The following SH3PXD2A variants were observed in gnomAD, a reference collection of about 807,000 sequenced individuals.
SH3PXD2A encodes the protein SH3 and PX domains 2A, also known as SH3 and PX domain-containing protein 2A.
A neutral mutation model predicts 115.2 loss-of-function variants in SH3PXD2A; 32 were observed. The ratio of observed to expected loss-of-function variants is 0.28; its 90% CI spans 0.21 to 0.37. SH3PXD2A has a LOEUF of 0.37. Ranked by LOEUF, SH3PXD2A falls within the 10% of genes least tolerant of loss-of-function variation. The probability of loss-of-function intolerance (pLI) is 1.00; values close to 1 mark genes in which losing one functional copy is unlikely to be tolerated. For synonymous variants in SH3PXD2A, 610 were observed against 629.1 expected, an observed-to-expected ratio of 0.97 and a Z score of 0.45; for missense variants, 1,328 against 1,498.7, an observed-to-expected ratio of 0.89 and a Z score of 1.88.
chr10:103,681,661 T>C (rs530882431), intron 6 of SH3PXD2A, among the ~76,000 whole-genome samples: 2 of 152,260 alleles, frequency 1.3e-5, no homozygotes, highest in Admixed American at 1.3e-4. Flanking sequence ...GGAGAATCAC[T>C]TGAACCCAAG....
At chr10:103,723,167 C>G (rs952324374) in intron 5 of SH3PXD2A, among the ~76,000 whole-genome samples, 9 of 152,170 alleles carry the variant, frequency 5.9e-5, no homozygotes, top group African/African-American at 9.7e-5. Context: ...TGCCTCTCCC[C>G]ACCTGGCCCA....
chr10:103,702,224 T>C (rs2037923248), intron 5 of SH3PXD2A, among the ~76,000 whole-genome samples: 1 of 152,250 alleles, frequency 6.6e-6, no homozygotes, highest in African/African-American at 2.4e-5. Context: ...TGAAGGTCTG[T>C]TGTAGACCCA....
chr10:103,810,976 ACACACACG>A (rs2039264361), intron 1 of SH3PXD2A, among the ~76,000 whole-genome samples: 3 of 141,962 alleles, frequency 2.1e-5, no homozygotes, highest in African/African-American at 7.8e-5. Context: ...ACACACACAC[ACACACACG>A]GCAGTGGTGG....
intron 1 of SH3PXD2A, among the ~76,000 whole-genome samples, chr10:103,824,812 C>A (rs1453301868): frequency 6.6e-6 from 1 of 152,136 alleles, no homozygotes; most frequent in Non-Finnish European, 1.5e-5. Context: ...TGTCATCTCT[C>A]TATTTTTTGA....
intron 6 of SH3PXD2A, among the ~76,000 whole-genome samples, chr10:103,674,207 C>T (rs767980731): frequency 6.6e-6 from 1 of 152,168 alleles, no homozygotes; most frequent in Non-Finnish European, 1.5e-5. Flanking sequence ...CACTTTCAGG[C>T]CATCAAATAA....
chr10:103,678,303 G>T (rs1031084589), intron 6 of SH3PXD2A: 1 of 445,924 alleles, frequency 2.2e-6, no homozygotes, highest in Non-Finnish European at 4.3e-6. Context: ...ACAGAGCTGT[G>T]CATGCACGCA....
At chr10:103,625,327 C>T (rs2036675604) in intron 9 of SH3PXD2A, among the ~76,000 whole-genome samples, 1 of 152,266 alleles carries the variant, frequency 6.6e-6, no homozygotes. Flanking sequence ...CATACACGCA[C>T]TGCCCTAGAG....
intron 4 of SH3PXD2A, among the ~76,000 whole-genome samples, chr10:103,728,897 GTT>G (rs57283527): frequency 7.4e-6 from 1 of 135,888 alleles, no homozygotes. Flanking sequence ...TTGTTTGTTT[GTT>G]TTTTTTTTTT....
intron 1 of SH3PXD2A, among the ~76,000 whole-genome samples, chr10:103,852,299 G>A (rs994882565): frequency 6.6e-6 from 1 of 152,242 alleles, no homozygotes; most frequent in East Asian, 1.9e-4. Flanking sequence ...AGGACCCTTC[G>A]TGTTCAGGCA....
chr10:103,754,731 C>T (rs1429326381), intron 3 of SH3PXD2A: 4 of 152,122 alleles, frequency 2.6e-5, no homozygotes, highest in Admixed American at 6.5e-5. Flanking sequence ...ATACCAGAAA[C>T]AGGCAGGCAG....
chr10:103,719,263 G>A lies in SH3PXD2A; in HGVS notation c.398+5007C>T, dbSNP rs932555337. On this transcript the variant is annotated intron_variant, in intron 5 of 14. Transcript: ENST00000369774. ...GTGGAGGTGGGGAGCGGGTGCTGAC[G>A]AGGTTGGGAAGGCGTAGTGGGTGTG... 2.6e-5 allele frequency among the ~76,000 whole-genome samples: 4 copies of A among 152,362 alleles called. No individual in the cohort carries two copies. The South Asian group carries it at 6.2e-4, about 24-fold the overall frequency.
intron 3 of SH3PXD2A, 133 bp downstream of exon 3, chr10:103,766,961 G>C: frequency 1.5e-6 from 1 of 654,888 alleles, no homozygotes; most frequent in Admixed American, 2.5e-5. Flanking sequence ...AATCCCCTGG[G>C]GGAATTGTTC....
chr10:103,736,096 T>C (rs1272756089), intron 3 of SH3PXD2A, among the ~76,000 whole-genome samples: 1 of 152,184 alleles, frequency 6.6e-6, no homozygotes, highest in African/African-American at 2.4e-5. Flanking sequence ...AATGGCAGGA[T>C]CAATGAATGC....
At chr10:103,724,028 C>T (rs1002993229) in intron 5 of SH3PXD2A, among the ~76,000 whole-genome samples, 19 of 152,294 alleles carry the variant, frequency 1.2e-4, no homozygotes, top group Admixed American at 9.8e-4. Context: ...GGAAAATCTG[C>T]TCCACAAATG....
chr10:103,810,952 G>GCACACACACACA (rs71476608), intron 1 of SH3PXD2A, among the ~76,000 whole-genome samples: 42 of 19,958 alleles, frequency 2.1e-3, no homozygotes, highest in Non-Finnish European at 3.4e-3. Flanking sequence ...GCGCGCGCGC[G>GCACACACACACA]CACACACACA....
intron 8 of SH3PXD2A, among the ~76,000 whole-genome samples, chr10:103,657,574 CA>C (rs1447420913): frequency 6.6e-6 from 1 of 152,172 alleles, no homozygotes; most frequent in Non-Finnish European, 1.5e-5. Flanking sequence ...CCCTGTATAT[CA>C]ATGGAGAAAA....
At chr10:103,773,233 A>G (rs1195596221) in intron 2 of SH3PXD2A, among the ~76,000 whole-genome samples, 3 of 151,118 alleles carry the variant, frequency 2.0e-5, no homozygotes, top group African/African-American at 7.3e-5. Flanking sequence ...TCAAAAAAAA[A>G]AAAAAAAAGA....
At chr10:103,737,935 G>A (rs756797038) in intron 3 of SH3PXD2A, among the ~76,000 whole-genome samples, 2 of 152,194 alleles carry the variant, frequency 1.3e-5, no homozygotes, top group African/African-American at 4.8e-5. Flanking sequence ...CCTGCTTCCC[G>A]TGGATATCTC....
At chr10:103,614,428 C>A (rs1426393739) in intron 11 of SH3PXD2A, among the ~76,000 whole-genome samples, 2 of 151,974 alleles carry the variant, frequency 1.3e-5, no homozygotes, top group Non-Finnish European at 2.9e-5. Context: ...AGTGAAAAGA[C>A]AAAAGCACAT....
Sources: allele counts gnomAD v4.1 joint callset (sites outside exome capture counted in the v4.1 genomes callset), GRCh38; gene constraint gnomAD v4.1.1; transcripts MANE v1.5; gene names NCBI Gene and HGNC (gene_info 2026-07-23, HGNC 2026-07-21).